The following CNTN3 variants were observed in gnomAD, a reference collection of about 807,000 sequenced individuals.
CNTN3 encodes contactin-3.
CNTN3 carries 60 observed loss-of-function variants against 119.1 expected under a neutral mutation model. That is an observed-to-expected ratio of 0.50 (90% CI 0.41 to 0.62). The LOEUF is 0.62. CNTN3 is among the 20% of genes least tolerant of loss of function. The pLI is 0.00. For synonymous variants in CNTN3, 450 were observed against 438.7 expected, an observed-to-expected ratio of 1.03 and a Z score of -0.32; for missense variants, 1,101 against 1,242.4, an observed-to-expected ratio of 0.89 and a Z score of 1.71.
chr3:74,584,923 A>C (rs537496649), intron 1 of CNTN3, among the ~76,000 whole-genome samples: 1 of 152,224 alleles, frequency 6.6e-6, no homozygotes, highest in African/African-American at 2.4e-5. Context: ...TAATATCCTC[A>C]GTAAATTGGC....
intron 4 of CNTN3, among the ~76,000 whole-genome samples, chr3:74,437,851 A>G (rs1701897013): frequency 6.6e-6 from 1 of 152,208 alleles, no homozygotes; most frequent in African/African-American, 2.4e-5. Flanking sequence ...TAATTTAGAA[A>G]ATCTCTGTGC....
At chr3:74,318,704 C>A (rs930910977) in intron 13 of CNTN3, among the ~76,000 whole-genome samples, 17 of 152,088 alleles carry the variant, frequency 1.1e-4, no homozygotes, top group Admixed American at 6.5e-5. Flanking sequence ...GCTGCCTGAT[C>A]GTTCCTCTGG....
chr3:74,400,842 C>T (rs1252634982), intron 5 of CNTN3, among the ~76,000 whole-genome samples: 1 of 152,088 alleles, frequency 6.6e-6, no homozygotes, highest in African/African-American at 2.4e-5. Flanking sequence ...AAGACTCCAG[C>T]AATAACTACA....
chr3:74,500,499 A>C (rs890823230), intron 2 of CNTN3, among the ~76,000 whole-genome samples: 3 of 102,378 alleles, frequency 2.9e-5, no homozygotes, highest in Admixed American at 1.1e-4. Context: ...GAAAACAAAC[A>C]AATTCGCCCA....
At chr3:74,275,169 C>T (rs1002370173) in intron 20 of CNTN3, among the ~76,000 whole-genome samples, 1 of 152,162 alleles carries the variant, frequency 6.6e-6, no homozygotes, top group African/African-American at 2.4e-5. Context: ...AACAACCAAA[C>T]TTAAGAATAA....
chr3:74,562,980 A>T (rs190801786), intron 1 of CNTN3, among the ~76,000 whole-genome samples: 32 of 152,284 alleles, frequency 2.1e-4, no homozygotes, highest in African/African-American at 7.7e-4. Context: ...ATTTGAGAAT[A>T]ATGATAAAGC....
intron 5 of CNTN3, among the ~76,000 whole-genome samples, chr3:74,420,243 A>T (rs1245172519): frequency 6.6e-6 from 1 of 152,164 alleles, no homozygotes; most frequent in Non-Finnish European, 1.5e-5. Context: ...CCATAAAACA[A>T]TTTTTTATTA....
Position 74,355,233 on chromosome 3 carries a change from T to A in CNTN3, c.1364+6657A>T, listed in dbSNP as rs904316529. ...TCCTAACCTGGAAATCTAGGATTTA[T>A]CCTCGACTCCTGTCTTCTCTTCAAA... On this transcript the variant is annotated intron_variant, in intron 11 of 22. Transcript: ENST00000263665. Among the ~76,000 whole-genome samples, 26 of 152,150 alleles carry A rather than the reference T, an allele frequency of 1.7e-4. 1 individual carries two copies. The highest frequency in any genetic ancestry group is 6.0e-4 in the African/African-American group (25 of 41,378).
chr3:74,588,186 A>G (rs1276158988), intron 1 of CNTN3, among the ~76,000 whole-genome samples: 4 of 152,050 alleles, frequency 2.6e-5, no homozygotes, highest in Admixed American at 2.6e-4. Context: ...TCGGTTTGCC[A>G]GTATTTTATT....
chr3:74,299,179 G>C (rs559897688), intron 17 of CNTN3, among the ~76,000 whole-genome samples: 4 of 151,968 alleles, frequency 2.6e-5, no homozygotes, highest in Non-Finnish European at 5.9e-5. Context: ...CTGCACTCCA[G>C]ACTGGGCAAC....
chr3:74,474,964 G>A (rs1431174615), intron 4 of CNTN3, among the ~76,000 whole-genome samples: 1 of 152,102 alleles, frequency 6.6e-6, no homozygotes, highest in Non-Finnish European at 1.5e-5. Flanking sequence ...AGTATCCTGA[G>A]ATCTCCCCAG....
At chr3:74,267,854 C>A (rs1210452714) in intron 20 of CNTN3, among the ~76,000 whole-genome samples, 1 of 152,002 alleles carries the variant, frequency 6.6e-6, no homozygotes, top group East Asian at 1.9e-4. Flanking sequence ...CATACAGAGG[C>A]TGGAAGAAAT....
At chr3:74,290,428 T>G (rs1426565276) in intron 19 of CNTN3, among the ~76,000 whole-genome samples, 1 of 152,226 alleles carries the variant, frequency 6.6e-6, no homozygotes, top group African/African-American at 2.4e-5. Flanking sequence ...AATATCATTA[T>G]GTAGTGCATG....
chr3:74,361,235 C>T (rs140463244), intron 11 of CNTN3, among the ~76,000 whole-genome samples: 3 of 152,256 alleles, frequency 2.0e-5, no homozygotes, highest in African/African-American at 7.2e-5. Context: ...TATTTATGTA[C>T]TTCATCCACA....
At chr3:74,540,930 T>C (rs1257341191) in intron 1 of CNTN3, among the ~76,000 whole-genome samples, 6 of 152,178 alleles carry the variant, frequency 3.9e-5, no homozygotes, top group African/African-American at 7.2e-5. Flanking sequence ...CTATTTCTTC[T>C]ATCAAAATAC....
intron 1 of CNTN3, among the ~76,000 whole-genome samples, chr3:74,612,088 T>C (rs1705093169): frequency 6.6e-6 from 1 of 152,184 alleles, no homozygotes; most frequent in Non-Finnish European, 1.5e-5. Context: ...TATTTCAGCA[T>C]GAACCATATT....
At chr3:74,476,919 A>C (rs1702666057) in intron 4 of CNTN3, among the ~76,000 whole-genome samples, 1 of 152,088 alleles carries the variant, frequency 6.6e-6, no homozygotes, top group Non-Finnish European at 1.5e-5. Context: ...TATGAAAGAG[A>C]GGTAAAAAGA....
At chr3:74,297,909 A>C in intron 18 of CNTN3, 48 bp downstream of exon 18, 1 of 1,441,596 alleles carries the variant, frequency 6.9e-7, no homozygotes, top group Non-Finnish European at 9.6e-7. Flanking sequence ...TTTGGAGCAC[A>C]AATAATTATT....
intron 1 of CNTN3, among the ~76,000 whole-genome samples, chr3:74,551,558 C>T (rs1460191328): frequency 2.0e-5 from 3 of 151,898 alleles, no homozygotes; most frequent in Admixed American, 6.6e-5. Flanking sequence ...CCAATGTATC[C>T]ACCATTACAG....
Sources: gnomAD v4.1 joint callset for allele counts (sites outside exome capture counted in the v4.1 genomes callset) on GRCh38, gnomAD v4.1.1 for gene constraint, MANE v1.5 for transcripts, NCBI Gene and HGNC (gene_info 2026-07-23, HGNC 2026-07-21) for gene names.